The following HDAC9 variants were observed in gnomAD, a reference collection of about 807,000 sequenced individuals.
HDAC9 encodes the protein MEF-2 interacting transcription repressor (MITR) protein.
HDAC9 carries 41 observed loss-of-function variants against 139.4 expected under a neutral mutation model. That is an observed-to-expected ratio of 0.29 (90% CI 0.23 to 0.38). HDAC9 has a LOEUF of 0.38. Among genes scored for constraint, HDAC9 ranks in the 10% least tolerant of loss-of-function variants. The pLI is 1.00. For missense variants in HDAC9, 1,147 were observed against 1,297.0 expected, an observed-to-expected ratio of 0.88 and a Z score of 1.78; for synonymous variants, 517 against 476.2, an observed-to-expected ratio of 1.09 and a Z score of -1.12.
At chr7:18,142,060 A>T (rs374284000) in intron 1 of HDAC9, among the ~76,000 whole-genome samples, 1 of 151,648 alleles carries the variant, frequency 6.6e-6, no homozygotes, top group East Asian at 1.9e-4. Flanking sequence ...CTAAATCCTA[A>T]TTGAGTGACA....
intron 19 of HDAC9, among the ~76,000 whole-genome samples, chr7:18,834,723 G>A (rs771067268): frequency 4.6e-5 from 7 of 152,096 alleles, no homozygotes; most frequent in Non-Finnish European, 7.3e-5. Context: ...CTGCGTCTTC[G>A]ACTCTTGTGT....
intron 19 of HDAC9, among the ~76,000 whole-genome samples, chr7:18,832,080 C>T (rs1276205246): frequency 6.6e-6 from 1 of 152,152 alleles, no homozygotes; most frequent in Non-Finnish European, 1.5e-5. Flanking sequence ...TGAGGCAGAT[C>T]CCAAACATAT....
At chr7:18,134,778 G>A (rs1329630082) in intron 1 of HDAC9, among the ~76,000 whole-genome samples, 1 of 151,960 alleles carries the variant, frequency 6.6e-6, no homozygotes, top group East Asian at 1.9e-4. Flanking sequence ...GATTTCAGAG[G>A]GAATTCTTTT....
At chr7:18,780,040 A>G (rs1054823142) in intron 16 of HDAC9, among the ~76,000 whole-genome samples, 2 of 151,992 alleles carry the variant, frequency 1.3e-5, no homozygotes, top group Admixed American at 6.6e-5. Context: ...TTTCAACTCT[A>G]AAGTGCAGAT....
At chr7:18,296,756 G>A (rs1166781132) in intron 1 of HDAC9, among the ~76,000 whole-genome samples, 1 of 152,178 alleles carries the variant, frequency 6.6e-6, no homozygotes, top group Non-Finnish European at 1.5e-5. Flanking sequence ...ACCAAGCGCG[G>A]GGGCAGTGGC....
intron 1 of HDAC9, among the ~76,000 whole-genome samples, chr7:18,393,026 A>T (rs1013880145): frequency 1.3e-5 from 2 of 151,700 alleles, no homozygotes; most frequent in African/African-American, 4.8e-5. Flanking sequence ...GAACATTATT[A>T]GAAATGGGAA....
chr7:18,478,452 G>T (rs1462444845), intron 1 of HDAC9, among the ~76,000 whole-genome samples: 1 of 152,186 alleles, frequency 6.6e-6, no homozygotes, highest in African/African-American at 2.4e-5. Context: ...CGCATTATTA[G>T]CTCATTCCTT....
At chr7:18,749,915 T>C (rs1176487843) in intron 14 of HDAC9, among the ~76,000 whole-genome samples, 1 of 152,216 alleles carries the variant, frequency 6.6e-6, no homozygotes, top group African/African-American at 2.4e-5. Flanking sequence ...CACATTATTT[T>C]AACATTTACT....
intron 22 of HDAC9, among the ~76,000 whole-genome samples, chr7:18,920,678 A>G (rs1803624721): frequency 1.3e-5 from 2 of 152,222 alleles, no homozygotes; most frequent in African/African-American, 2.4e-5. Flanking sequence ...ATCAATACCT[A>G]ATTTATTGAG....
At chr7:18,641,402 A>G (rs1310834845) in intron 8 of HDAC9, among the ~76,000 whole-genome samples, 1 of 135,734 alleles carries the variant, frequency 7.4e-6, no homozygotes, top group Non-Finnish European at 1.7e-5. Context: ...TCAAAGAATT[A>G]GCTCTTTACT....
intron 2 of HDAC9, among the ~76,000 whole-genome samples, chr7:18,214,781 T>A (rs934784220): frequency 6.6e-6 from 1 of 152,162 alleles, no homozygotes; most frequent in Non-Finnish European, 1.5e-5. Flanking sequence ...AGGGCATACC[T>A]GCAAATTCTG....
At chr7:18,833,859 G>A (rs945959823) in intron 19 of HDAC9, among the ~76,000 whole-genome samples, 15 of 152,206 alleles carry the variant, frequency 9.9e-5, no homozygotes, top group African/African-American at 3.6e-4. Context: ...GGCTATGATA[G>A]TGTCTAGTGA....
At chr7:18,754,195 T>C (rs1210598298) in intron 14 of HDAC9, among the ~76,000 whole-genome samples, 3 of 152,048 alleles carry the variant, frequency 2.0e-5, no homozygotes, top group Non-Finnish European at 4.4e-5. Flanking sequence ...CATACTTAGT[T>C]TAGTGATTCT....
intron 1 of HDAC9, among the ~76,000 whole-genome samples, chr7:18,373,842 C>G (rs1049435976): frequency 3.3e-5 from 5 of 151,992 alleles, no homozygotes; most frequent in African/African-American, 9.7e-5. Context: ...TAAAGAGAAA[C>G]AGTAGACTTA....
intron 2 of HDAC9, among the ~76,000 whole-genome samples, chr7:18,231,753 T>A (rs1167212031): frequency 6.6e-6 from 1 of 152,206 alleles, no homozygotes; most frequent in South Asian, 2.1e-4. Flanking sequence ...TCTCATTACG[T>A]TGGCTTTGGT....
At chr7:18,591,414 T>G (rs1830905716) in intron 4 of HDAC9, 102 bp from the exon 5 acceptor site, 5 of 1,380,352 alleles carry the variant, frequency 3.6e-6, no homozygotes, top group Non-Finnish European at 4.7e-6. Context: ...TTAATCTTTG[T>G]CAAATATTCT....
chr7:18,868,810 G>A (rs1167265188), intron 21 of HDAC9, among the ~76,000 whole-genome samples: 2 of 151,894 alleles, frequency 1.3e-5, no homozygotes, highest in Admixed American at 1.3e-4. Context: ...TCTTATTGTA[G>A]GTCTTAAGAC....
At chr7:18,813,820 A>G (rs1053908330) in intron 17 of HDAC9, among the ~76,000 whole-genome samples, 1 of 152,180 alleles carries the variant, frequency 6.6e-6, no homozygotes, top group African/African-American at 2.4e-5. Context: ...GGGTGAAGTA[A>G]AAGGCGAGAG....
At chr7:18,237,939 T>C (rs1793935118) in intron 2 of HDAC9, among the ~76,000 whole-genome samples, 2 of 152,200 alleles carry the variant, frequency 1.3e-5, no homozygotes, top group African/African-American at 4.8e-5. Context: ...AGTTGAGTAA[T>C]GTCAATGGCC....
Sources: allele counts gnomAD v4.1 joint callset (sites outside exome capture counted in the v4.1 genomes callset), GRCh38; gene constraint gnomAD v4.1.1; transcripts MANE v1.5; gene names NCBI Gene and HGNC (gene_info 2026-07-23, HGNC 2026-07-21).